Variants in MGA observed in about 807,000 individuals in gnomAD.
MGA encodes MAX gene-associated protein.
A neutral mutation model predicts 261.1 loss-of-function variants in MGA; 40 were observed. The observed-to-expected ratio is 0.15, with a 90% CI of 0.12 to 0.20. The LOEUF (loss-of-function observed/expected upper bound fraction) is 0.20, where lower values mean the gene tolerates loss of function less well. MGA is among the 10% of genes least tolerant of loss of function. The pLI is 1.00. For missense variants in MGA, 3,397 were observed against 3,630.5 expected, an observed-to-expected ratio of 0.94 and a Z score of 1.65; for synonymous variants, 1,302 against 1,290.6, an observed-to-expected ratio of 1.01 and a Z score of -0.19.
chr15:41,655,015 A>G (rs1343000380), intron 1 of MGA, among the ~76,000 whole-genome samples: 1 of 152,058 alleles, frequency 6.6e-6, no homozygotes, highest in Non-Finnish European at 1.5e-5. Context: ...TTGATTTTCT[A>G]GGTAATACAT....
At position 41,749,745 on chromosome 15, in the gene MGA, A is replaced by G. The variant is rs1289295636; in HGVS notation, c.6138A>G (p.Lys2046=). ...CAGAAGAAGGTTGTGCAACTGTCAA[A>G]CCATCTGAGCATTCCTGTATCACTG... The change falls in exon 17 of 24, where the codon AAA becomes AAG. Residue 2046 remains lysine, a synonymous_variant. Transcript: ENST00000219905. The G allele has an allele frequency of 1.2e-6, 2 of 1,613,910 alleles. No individual in the cohort carries two copies. Among genetic ancestry groups the G allele is most frequent in the Non-Finnish European group, 1.7e-6 (2 of 1,179,908 alleles).
At chr15:41,628,705 C>T (rs1385681924) in intron 1 of MGA, among the ~76,000 whole-genome samples, 4 of 152,010 alleles carry the variant, frequency 2.6e-5, no homozygotes, top group Admixed American at 6.6e-5. Flanking sequence ...TGAGAATTGG[C>T]GGGGCTCAGA....
intron 1 of MGA, among the ~76,000 whole-genome samples, chr15:41,626,756 T>C (rs1157633411): frequency 6.6e-6 from 1 of 152,190 alleles, no homozygotes; most frequent in Non-Finnish European, 1.5e-5. Context: ...TTTAGATTTA[T>C]AGAAAAATTG....
At chr15:41,760,014 A>T in intron 19 of MGA, 1 of 244,700 alleles carries the variant, frequency 4.1e-6, no homozygotes. Flanking sequence ...AATACAATAA[A>T]TTACTTAAGC....
At chr15:41,667,531 C>T (rs1037430964) in intron 1 of MGA, among the ~76,000 whole-genome samples, 2 of 152,146 alleles carry the variant, frequency 1.3e-5, no homozygotes, top group Admixed American at 1.3e-4. Context: ...CAGGCGTGAG[C>T]CACTGCTCCC....
At chr15:41,656,344 TTCTCTCTCTCTCTCTC>T (rs59370765), upstream of MGA, among the ~76,000 whole-genome samples, 1 of 59,988 alleles carries the variant, frequency 1.7e-5, no homozygotes, top group African/African-American at 4.8e-5. Flanking sequence ...CTCTCCTCTC[TTCTCTCTCTCTCTCTC>T]TCTCTCTCTC....
At chr15:41,702,516 A>G (rs915021935) in intron 5 of MGA, among the ~76,000 whole-genome samples, 1 of 152,228 alleles carries the variant, frequency 6.6e-6, no homozygotes, top group Non-Finnish European at 1.5e-5. Context: ...TTGTCCTGCT[A>G]TTAACTATAA....
At chr15:41,621,395 C>T (rs970626322) in intron 1 of MGA, 2 of 152,320 alleles carry the variant, frequency 1.3e-5, no homozygotes, top group East Asian at 3.9e-4. Flanking sequence ...CCTCTAACTA[C>T]CCTCCCTCTC....
At chr15:41,651,061 G>A (rs1411619947) in intron 1 of MGA, among the ~76,000 whole-genome samples, 1 of 152,146 alleles carries the variant, frequency 6.6e-6, no homozygotes, top group Non-Finnish European at 1.5e-5. Context: ...GAAGGCAGAA[G>A]GGAGCATGTG....
chr15:41,697,343 A>C (rs2059593304), intron 3 of MGA, among the ~76,000 whole-genome samples: 1 of 152,096 alleles, frequency 6.6e-6, no homozygotes, highest in African/African-American at 2.4e-5. Flanking sequence ...AGGACTAAAA[A>C]TACATGAAAT....
chr15:41,753,296 A>G (rs550863036), intron 17 of MGA, among the ~76,000 whole-genome samples: 9 of 152,124 alleles, frequency 5.9e-5, no homozygotes, highest in Admixed American at 2.0e-4. Context: ...TAGAGTCCCA[A>G]CTACTCGGGA....
At chr15:41,741,203 C>T (rs540382900) in intron 14 of MGA, among the ~76,000 whole-genome samples, 8 of 151,930 alleles carry the variant, frequency 5.3e-5, no homozygotes, top group African/African-American at 1.2e-4. Context: ...AAAAATTAGC[C>T]GGGAGTGGTG....
chr15:41,756,282 G>A (rs1052260397), intron 18 of MGA, among the ~76,000 whole-genome samples: 1 of 152,146 alleles, frequency 6.6e-6, no homozygotes, highest in African/African-American at 2.4e-5. Context: ...GACAGAAGAA[G>A]AAGAAACCTA....
At chr15:41,712,640 T>G (rs75017512) in intron 8 of MGA, among the ~76,000 whole-genome samples, 5,019 of 152,320 alleles carry the variant, frequency 0.033, 139 homozygotes, top group South Asian at 0.07. Flanking sequence ...TCATAAAGAC[T>G]TTTATTTATG....
At chr15:41,715,972 C>A (rs1218991967) in intron 9 of MGA, among the ~76,000 whole-genome samples, 1 of 152,174 alleles carries the variant, frequency 6.6e-6, no homozygotes, top group African/African-American at 2.4e-5. Flanking sequence ...ACCTCTTAGG[C>A]TTTACTGCTT....
intron 2 of MGA, among the ~76,000 whole-genome samples, chr15:41,678,230 A>G (rs755025408): frequency 1.4e-4 from 21 of 151,264 alleles, no homozygotes; most frequent in Non-Finnish European, 2.7e-4. Flanking sequence ...AGCTGGGATT[A>G]CAGGCGCTGG....
intron 19 of MGA, among the ~76,000 whole-genome samples, chr15:41,759,637 G>T (rs925791714): frequency 6.6e-6 from 1 of 152,174 alleles, no homozygotes; most frequent in East Asian, 1.9e-4. Context: ...TATATGCAAA[G>T]ATTGTAATAG....
intron 3 of MGA, 32 bp from the exon 4 acceptor site, chr15:41,698,831 A>G (rs2059682138): frequency 1.4e-5 from 20 of 1,425,200 alleles, no homozygotes; most frequent in Non-Finnish European, 1.9e-5. Context: ...AAGCAATATG[A>G]ACTACTATTT....
chr15:41,727,528 A>G (rs2061313063), intron 10 of MGA, 122 bp downstream of exon 10: 2 of 892,238 alleles, frequency 2.2e-6, no homozygotes, highest in African/African-American at 1.7e-5. Context: ...TATGTTTATA[A>G]GATATCTTCC....
Sources: allele counts gnomAD v4.1 joint callset (sites outside exome capture counted in the v4.1 genomes callset), GRCh38; gene constraint gnomAD v4.1.1; transcripts MANE v1.5; gene names NCBI Gene and HGNC (gene_info 2026-07-23, HGNC 2026-07-21).